The following EBF3 variants were observed in gnomAD, a reference collection of about 807,000 sequenced individuals.
The protein encoded by EBF3 is EBF transcription factor 3, also known as transcription factor COE3.
EBF3 carries 18 observed loss-of-function variants against 77.1 expected under a neutral mutation model. That is an observed-to-expected ratio of 0.23 (90% CI 0.16 to 0.35). EBF3 has a LOEUF of 0.35. Ranked by LOEUF, EBF3 falls within the 10% of genes least tolerant of loss-of-function variation. The probability of loss-of-function intolerance (pLI) is 1.00; values close to 1 mark genes in which losing one functional copy is unlikely to be tolerated. For missense variants in EBF3, 558 were observed against 860.0 expected, an observed-to-expected ratio of 0.65 and a Z score of 4.39; for synonymous variants, 350 against 343.5, an observed-to-expected ratio of 1.02 and a Z score of -0.21.
intron 10 of EBF3, among the ~76,000 whole-genome samples, chr10:129,860,638 G>A (rs1226432057): frequency 6.6e-6 from 1 of 152,170 alleles, no homozygotes; most frequent in Non-Finnish European, 1.5e-5. Context: ...AATGTGTCTT[G>A]TTAGCAATAG....
intron 6 of EBF3, among the ~76,000 whole-genome samples, chr10:129,909,779 C>CG (rs1855392135): frequency 1.3e-5 from 2 of 152,232 alleles, no homozygotes; most frequent in African/African-American, 4.8e-5. Flanking sequence ...GGGGTCCCCC[C>CG]AGAACAGCAG....
At chr10:129,850,044 C>T (rs560409502) in intron 10 of EBF3, among the ~76,000 whole-genome samples, 27 of 152,356 alleles carry the variant, frequency 1.8e-4, no homozygotes, top group African/African-American at 5.5e-4. Context: ...GGGGCGCGTG[C>T]GCAGTCGCCC....
chr10:129,843,153 A>T lies in EBF3; in HGVS notation c.1178T>A (p.Met393Lys). 6.2e-7 allele frequency: 1 copy of T among 1,613,608 alleles called. No homozygotes were observed. Among genetic ancestry groups the T allele is most frequent in the Non-Finnish European group, 8.5e-7 (1 of 1,179,726 alleles). Residue 393 changes from methionine (M) to lysine (K), a missense_variant, in exon 12 of 17, where the codon ATG becomes AAG. Met to Lys is a moderately conservative substitution (Grantham distance 95). This residue lies in a region of EBF3 where 284 missense variants were observed against 368.3 expected (regional missense o/e 0.77). Transcript: ENST00000440978. The part of the protein sequence containing the change: ...AADLVEALYG[M>K]PHNNQEIILK... The stretch of plus-strand genomic sequence containing the variant: ...TCCACCTACCTGGTTGTTGTGAGGC[A>T]TTCCGTATAAGGCTTCCACCAGGTC...
intron 10 of EBF3, among the ~76,000 whole-genome samples, chr10:129,852,919 G>C (rs1375571990): frequency 6.6e-6 from 1 of 152,204 alleles, no homozygotes; most frequent in African/African-American, 2.4e-5. Context: ...GCAGCCGAGA[G>C]CAGAGGGAAC....
chr10:129,959,219 TC>T (rs1369560901), intron 4 of EBF3, among the ~76,000 whole-genome samples: 1 of 151,548 alleles, frequency 6.6e-6, no homozygotes, highest in Non-Finnish European at 1.5e-5. Context: ...CCCAGCCTCC[TC>T]CCCCGGGCGC....
rs149042708 is a variant in EBF3 at position 129,921,127 on chromosome 10, A to G, written c.554+36131T>C. 3.1e-3 allele frequency among the ~76,000 whole-genome samples: 466 copies of G among 152,272 alleles called. 3 individuals are homozygous for G. The highest frequency in any genetic ancestry group is 0.01 in the African/African-American group (430 of 41,550). On this transcript the variant is annotated intron_variant, in intron 6 of 16. Coordinates refer to ENST00000440978, the MANE Select transcript of EBF3 (RefSeq NM_001375380.1). The stretch of plus-strand genomic sequence containing the variant: ...CAAACAAGAGAAAACAGCGAGTTTG[A>G]GCGGGAACCAACTGGGAATCACGTT...
At chr10:129,856,724 CT>C (rs2134016486) in intron 10 of EBF3, among the ~76,000 whole-genome samples, 1 of 152,304 alleles carries the variant, frequency 6.6e-6, no homozygotes, top group East Asian at 1.9e-4. Flanking sequence ...CACGGGGTTC[CT>C]TTTCGTGTGA....
At chr10:129,871,266 T>C (rs1303988435) in intron 8 of EBF3, among the ~76,000 whole-genome samples, 1 of 152,010 alleles carries the variant, frequency 6.6e-6, no homozygotes, top group East Asian at 1.9e-4. Context: ...AATTAAAGCC[T>C]GAGTTCTACT....
At chr10:129,924,735 T>C (rs1180391553) in intron 6 of EBF3, among the ~76,000 whole-genome samples, 3 of 152,324 alleles carry the variant, frequency 2.0e-5, no homozygotes, top group African/African-American at 4.8e-5. Context: ...AGCATGATCA[T>C]GGCTCACTGT....
At chr10:129,850,374 T>C (rs916823974) in intron 10 of EBF3, among the ~76,000 whole-genome samples, 4 of 152,234 alleles carry the variant, frequency 2.6e-5, no homozygotes, top group South Asian at 2.1e-4. Flanking sequence ...TTCAGTTGAA[T>C]TGATATTCTT....
intron 6 of EBF3, among the ~76,000 whole-genome samples, chr10:129,912,678 T>C (rs1855607156): frequency 6.6e-6 from 1 of 152,220 alleles, no homozygotes; most frequent in South Asian, 2.1e-4. Context: ...GTTTATGAAT[T>C]ATCTGACACA....
intron 6 of EBF3, among the ~76,000 whole-genome samples, chr10:129,917,242 G>A (rs896982628): frequency 2.6e-5 from 4 of 152,120 alleles, no homozygotes; most frequent in African/African-American, 9.7e-5. Flanking sequence ...GGTGGCACAC[G>A]CCTGTAGTCC....
At chr10:129,900,004 T>C (rs1854671437) in intron 6 of EBF3, among the ~76,000 whole-genome samples, 2 of 152,246 alleles carry the variant, frequency 1.3e-5, no homozygotes, top group South Asian at 4.1e-4. Flanking sequence ...TTGATATGAA[T>C]TCCTCAAGAG....
intron 6 of EBF3, among the ~76,000 whole-genome samples, chr10:129,921,481 A>C (rs757920871): frequency 2.0e-5 from 3 of 152,220 alleles, no homozygotes; most frequent in Non-Finnish European, 4.4e-5. Flanking sequence ...ACCCCCGACC[A>C]TGGGGCCTCA....
rs1385349524 is a variant in EBF3, at chr10:129,836,172, T to TAACA, written c.*1767_*1770dup. 1 of 152,644 alleles carries TAACA rather than the reference T, an allele frequency of 6.6e-6. No individual in the cohort carries two copies. The highest frequency in any genetic ancestry group is 1.5e-5 in the Non-Finnish European group (1 of 68,034). 9.5% of individuals were successfully genotyped at this position (152,644 alleles called of 1,614,324 possible). On this transcript the variant is annotated 3_prime_UTR_variant, in exon 17 of 17. Transcript: ENST00000440978. ...ATACATCTCCAAATGAAGTATTTAT[T>TAACA]AACAATTGTAGTGTAAGCCTGTGAT...
At chr10:129,942,866 A>G (rs576037004) in intron 6 of EBF3, among the ~76,000 whole-genome samples, 2 of 152,284 alleles carry the variant, frequency 1.3e-5, no homozygotes, top group Admixed American at 1.3e-4. Flanking sequence ...GAGGGACAGA[A>G]ATTTTCTGTG....
Position 129,897,579 on chromosome 10 carries a change from C to T in EBF3, c.555-19730G>A, listed in dbSNP as rs777591875. ...AAACCCAGCACACGACCCTTTTATC[C>T]GAGAGGCGAAGCCCGGGAAGGTTCT... On this transcript the variant is annotated intron_variant, in intron 6 of 16. Coordinates refer to ENST00000440978, the MANE Select transcript of EBF3 (RefSeq NM_001375380.1). The surrounding 1 kb of genome is among the most constrained non-coding windows in gnomAD (Gnocchi z 4.6). Among the ~76,000 whole-genome samples, 43 of 152,104 alleles carry T rather than the reference C, an allele frequency of 2.8e-4. No individual in the cohort carries two copies. Among genetic ancestry groups the T allele is most frequent in the Middle Eastern group, 3.4e-3 (1 of 294 alleles).
chr10:129,922,868 G>A (rs1490905820), intron 6 of EBF3, among the ~76,000 whole-genome samples: 1 of 152,214 alleles, frequency 6.6e-6, no homozygotes, highest in Non-Finnish European at 1.5e-5. Flanking sequence ...GCAGACCAGA[G>A]GCATGGAAGG....
chr10:129,942,473 C>T (rs1857831163), intron 6 of EBF3, among the ~76,000 whole-genome samples: 1 of 152,200 alleles, frequency 6.6e-6, no homozygotes. Context: ...ACCCAGAGCA[C>T]CAGCCCCAGT....
Sources: allele counts gnomAD v4.1 joint callset (sites outside exome capture counted in the v4.1 genomes callset), GRCh38; gene constraint gnomAD v4.1.1; regional missense constraint gnomAD v4.1.1; non-coding constraint Gnocchi (gnomAD v3.1); transcripts MANE v1.5; gene names NCBI Gene and HGNC (gene_info 2026-07-23, HGNC 2026-07-21).